Variants in PPP1R3A observed in about 807,000 individuals in gnomAD.
PPP1R3A encodes the protein RG1.
PPP1R3A carries 29 observed loss-of-function variants against 41.7 expected under a neutral mutation model. The ratio of observed to expected loss-of-function variants is 0.70; its 90% CI spans 0.52 to 0.95. The LOEUF is 0.95. Ranked by LOEUF, PPP1R3A falls within the 40% of genes least tolerant of loss-of-function variation. PPP1R3A has a pLI of 0.00. For synonymous variants in PPP1R3A, 485 were observed against 453.4 expected, an observed-to-expected ratio of 1.07 and a Z score of -0.89; for missense variants, 1,352 against 1,292.4, an observed-to-expected ratio of 1.05 and a Z score of -0.71.
intron 1 of PPP1R3A, among the ~76,000 whole-genome samples, chr7:113,909,864 G>T (rs1350838729): frequency 1.3e-5 from 2 of 152,016 alleles, no homozygotes; most frequent in African/African-American, 2.4e-5. Context: ...TTTTCTGATA[G>T]AACACATTAT....
chr7:113,899,113 C>T (rs749373482), intron 1 of PPP1R3A, among the ~76,000 whole-genome samples: 5 of 151,734 alleles, frequency 3.3e-5, no homozygotes, highest in Admixed American at 1.3e-4. Context: ...TACTAAGAGT[C>T]AGTAACTCAC....
At chr7:113,882,386 AG>A (rs1204273137) in intron 1 of PPP1R3A, 66 bp from the exon 2 acceptor site, 2 of 968,784 alleles carry the variant, frequency 2.1e-6, no homozygotes, top group Non-Finnish European at 3.2e-6. Flanking sequence ...ATTTTTACAC[AG>A]GGGGAAATTC....
intron 1 of PPP1R3A, among the ~76,000 whole-genome samples, chr7:113,899,192 A>G (rs528645117): frequency 1.3e-5 from 2 of 151,882 alleles, no homozygotes; most frequent in African/African-American, 2.4e-5. Context: ...CTCTGTACCA[A>G]TTCAAGCTGA....
chr7:113,903,186 G>A (rs962673410), intron 1 of PPP1R3A, among the ~76,000 whole-genome samples: 1 of 151,724 alleles, frequency 6.6e-6, no homozygotes, highest in Non-Finnish European at 1.5e-5. Flanking sequence ...CTAGGTAAAA[G>A]TGTAAACTTT....
At position 113,918,920 on chromosome 7, in the gene PPP1R3A, C is replaced by T. The variant is rs79344769; in HGVS notation, c.77G>A (p.Cys26Tyr). ...LEVPNLSDSL[C>Y]EDEEVTFQPG... ...TTGGAAAGTAACTTCTTCATCTTCA[C>T]AAAGAGAGTCAGATAAATTAGGAAC... The change falls in exon 1 of 4, where the codon TGT (cysteine) becomes TAT (tyrosine). Residue 26 changes from cysteine to tyrosine, a missense_variant. Transcript: ENST00000284601. The T allele has an allele frequency of 6.2e-7, 1 of 1,612,472 alleles. No individual in the cohort carries two copies. Among genetic ancestry groups the T allele is most frequent in the Non-Finnish European group, 8.5e-7 (1 of 1,179,014 alleles).
intron 1 of PPP1R3A, among the ~76,000 whole-genome samples, chr7:113,902,988 T>C (rs1051309685): frequency 6.6e-6 from 1 of 151,770 alleles, no homozygotes. Context: ...TTCCCATCAA[T>C]ACCCAAGCTA....
chr7:113,893,975 G>T (rs1221005148), intron 1 of PPP1R3A, among the ~76,000 whole-genome samples: 3 of 151,852 alleles, frequency 2.0e-5, no homozygotes, highest in Non-Finnish European at 4.4e-5. Context: ...AGGATAACAG[G>T]TCGAAATTTG....
At chr7:113,881,854 A>T (rs201130348) in intron 3 of PPP1R3A, among the ~76,000 whole-genome samples, 185 bp downstream of exon 3, 1 of 152,080 alleles carries the variant, frequency 6.6e-6, no homozygotes, top group East Asian at 1.9e-4. Context: ...CACTGCAGAG[A>T]CCAGAAGCAA....
intron 1 of PPP1R3A, among the ~76,000 whole-genome samples, chr7:113,895,575 T>C (rs1029822713): frequency 1.5e-4 from 23 of 151,992 alleles, no homozygotes; most frequent in African/African-American, 5.1e-4. Flanking sequence ...TACTGCTTTA[T>C]AGTTTTTATA....
chr7:113,918,925 A>C lies in PPP1R3A; in HGVS notation c.72T>G (p.Ser24=), dbSNP rs1186783890. 6.2e-7 allele frequency: 1 copy of C among 1,612,788 alleles called. No homozygotes were observed. The highest frequency in any genetic ancestry group is 1.1e-5 in the South Asian group (1 of 90,968). The change falls in exon 1 of 4, where the codon TCT becomes TCG. Residue 24 remains serine (S), a synonymous_variant. Transcript: ENST00000284601. ...AAGTAACTTCTTCATCTTCACAAAG[A>C]GAGTCAGATAAATTAGGAACTTCTA... ...NFLEVPNLSD[S]LCEDEEVTFQ...
At chr7:113,884,805 C>T (rs913665003) in intron 1 of PPP1R3A, among the ~76,000 whole-genome samples, 2 of 151,904 alleles carry the variant, frequency 1.3e-5, no homozygotes, top group Admixed American at 1.3e-4. Flanking sequence ...AAATAAGCAT[C>T]AAGAATACAT....
intron 1 of PPP1R3A, among the ~76,000 whole-genome samples, chr7:113,896,837 AT>A (rs1584414243): frequency 6.6e-6 from 1 of 151,386 alleles, no homozygotes; most frequent in Admixed American, 6.6e-5. Flanking sequence ...TGCAAAAAAA[AT>A]GAATAGACAC....
chr7:113,903,006 A>G (rs1797090649), intron 1 of PPP1R3A, among the ~76,000 whole-genome samples: 1 of 151,774 alleles, frequency 6.6e-6, no homozygotes, highest in African/African-American at 2.4e-5. Context: ...CTAAGAGCAT[A>G]GTAAGAGTTT....
In PPP1R3A at chr7:113,879,684, GT is replaced by G. The variant is rs770029712; in HGVS notation, c.1407del (p.Lys469AsnfsTer11). ...TCAATATTTTTAGCTCCTCCTTCAT[GT>G]TTTTTATTAAGGTTTCCTGCCATTA... is the stretch of plus-strand genomic sequence containing the variant. ...DQLMAGNLNK[K>X]HEGGAKNIEV... On this transcript the variant is annotated frameshift_variant, in exon 4 of 4. Coordinates refer to ENST00000284601, the MANE Select transcript of PPP1R3A (RefSeq NM_002711.4). LOFTEE classifies it low-confidence loss of function (END_TRUNC). 6.2e-7 allele frequency: 1 copy of G among 1,613,056 alleles called. No homozygotes were observed. Among genetic ancestry groups the G allele is most frequent in the Non-Finnish European group, 8.5e-7 (1 of 1,179,608 alleles).
intron 1 of PPP1R3A, among the ~76,000 whole-genome samples, chr7:113,892,197 C>T (rs1419017367): frequency 1.3e-5 from 2 of 152,028 alleles, no homozygotes; most frequent in African/African-American, 2.4e-5. Flanking sequence ...TTTTGCTCTC[C>T]TTCTCTCCAC....
Position 113,880,102 on chromosome 7 carries a change from G to T in PPP1R3A, c.990C>A (p.Thr330=). Residue 330 remains threonine (T), a synonymous_variant, in exon 4 of 4, where the codon ACC becomes ACA. Transcript: ENST00000284601. The part of the protein sequence containing the change: ...ELMINQHLIR[T]RSTASRDERN... ...TTTCATCTCTGGAAGCAGTACTTCTGGTTCTTATTAAGTGTTGATTTATCT... is the reference window on the plus strand; with the variant it reads ...TTTCATCTCTGGAAGCAGTACTTCTTGTTCTTATTAAGTGTTGATTTATCT... 6.2e-7 allele frequency: 1 copy of T among 1,600,658 alleles called. No individual in the cohort carries two copies. Among genetic ancestry groups the T allele is most frequent in the Non-Finnish European group, 8.6e-7 (1 of 1,168,602 alleles).
At position 113,918,275 on chromosome 7, in the gene PPP1R3A, A is replaced by T; in HGVS notation, c.722T>A (p.Val241Glu). The change falls in exon 1 of 4, where the codon GTA (valine) becomes GAA (glutamate). Residue 241 changes from valine to glutamate, a missense_variant. Transcript: ENST00000284601. ...GTTAGGAACTTCTTTCCATGGTTTTACAGGCTCCGGCTCTTGTTCTTTCTT... is the reference window on the plus strand; with the variant it reads ...GTTAGGAACTTCTTTCCATGGTTTTTCAGGCTCCGGCTCTTGTTCTTTCTT... Reference protein sequence around the residue: ...CQKKEQEPEPVKPWKEVPNRQ... With the variant: ...CQKKEQEPEPEKPWKEVPNRQ... 6.2e-7 allele frequency: 1 copy of T among 1,610,486 alleles called. No individual in the cohort carries two copies. The highest frequency in any genetic ancestry group is 8.5e-7 in the Non-Finnish European group (1 of 1,178,674).
At chr7:113,884,314 G>A (rs1470621558) in intron 1 of PPP1R3A, among the ~76,000 whole-genome samples, 1 of 151,984 alleles carries the variant, frequency 6.6e-6, no homozygotes, top group Admixed American at 6.6e-5. Context: ...TGGCTAAAAT[G>A]TTTCTGAGAA....
intron 1 of PPP1R3A, among the ~76,000 whole-genome samples, chr7:113,905,771 T>G (rs1376759675): frequency 6.6e-6 from 1 of 151,792 alleles, no homozygotes; most frequent in Non-Finnish European, 1.5e-5. Flanking sequence ...TGTCTAGGGA[T>G]GCCAGCATCA....
Sources: gnomAD v4.1 joint callset for allele counts (sites outside exome capture counted in the v4.1 genomes callset) on GRCh38, gnomAD v4.1.1 for gene constraint, MANE v1.5 for transcripts, NCBI Gene and HGNC (gene_info 2026-07-23, HGNC 2026-07-21) for gene names.